The following MAN1A1 variants were observed in gnomAD, a reference collection of about 807,000 sequenced individuals.
MAN1A1 encodes the protein mannosyl-oligosaccharide 1,2-alpha-mannosidase IA.
MAN1A1 carries 29 observed loss-of-function variants against 70.8 expected under a neutral mutation model. The ratio of observed to expected loss-of-function variants is 0.41; its 90% CI spans 0.31 to 0.56. MAN1A1 has a LOEUF of 0.56. Among genes scored for constraint, MAN1A1 ranks in the 20% least tolerant of loss-of-function variants. MAN1A1 has a pLI of 0.29. For synonymous variants in MAN1A1, 349 were observed against 330.1 expected (o/e 1.06, Z -0.62); for missense variants, 747 against 841.3 (o/e 0.89, Z 1.39).
At chr6:119,273,489 T>A (rs920307418) in intron 5 of MAN1A1, among the ~76,000 whole-genome samples, 8 of 152,210 alleles carry the variant, frequency 5.3e-5, no homozygotes, top group Non-Finnish European at 1.2e-4. Context: ...CATTCCATGA[T>A]CTGCTGCACT....
intron 6 of MAN1A1, among the ~76,000 whole-genome samples, chr6:119,237,505 C>A (rs932653587): frequency 1.3e-5 from 2 of 152,124 alleles, no homozygotes; most frequent in Non-Finnish European, 2.9e-5. Context: ...AATACTTCCT[C>A]CTTTTTTGCT....
At chr6:119,322,948 G>A (rs1430285484) in intron 2 of MAN1A1, among the ~76,000 whole-genome samples, 1 of 152,212 alleles carries the variant, frequency 6.6e-6, no homozygotes, top group Non-Finnish European at 1.5e-5. Flanking sequence ...GACGTTCTCT[G>A]TTCTAATACC....
At chr6:119,204,113 A>G (rs1298832594) in intron 7 of MAN1A1, among the ~76,000 whole-genome samples, 1 of 152,152 alleles carries the variant, frequency 6.6e-6, no homozygotes, top group Non-Finnish European at 1.5e-5. Flanking sequence ...CGAAGAACTG[A>G]CTGTGTCGAA....
chr6:119,207,467 G>A (rs1216672132), intron 6 of MAN1A1, among the ~76,000 whole-genome samples: 1 of 152,172 alleles, frequency 6.6e-6, no homozygotes, highest in African/African-American at 2.4e-5. Flanking sequence ...AGGGGTTCAA[G>A]AAATTAGAGA....
In MAN1A1 at chr6:119,318,549, T is replaced by C. The variant is rs10485002; in HGVS notation, c.604-11557A>G. On this transcript the variant is annotated intron_variant, in intron 2 of 12. Coordinates refer to ENST00000368468, the MANE Select transcript of MAN1A1 (RefSeq NM_005907.4). ...TCTTTGTATGTTTCTGTTACTTATC[T>C]CATTATTCTGGAAAAATTTACATTA... Among the ~76,000 whole-genome samples, 898 of 152,348 alleles carry C rather than the reference T, an allele frequency of 5.9e-3. 31 individuals are homozygous for C. In the East Asian group the frequency reaches 0.09, roughly 15 times the overall value.
chr6:119,337,754 C>T (rs1359999613), intron 2 of MAN1A1, among the ~76,000 whole-genome samples: 1 of 152,184 alleles, frequency 6.6e-6, no homozygotes, highest in Non-Finnish European at 1.5e-5. Flanking sequence ...TTCTCCTCAA[C>T]CACCCCACCT....
intron 2 of MAN1A1, among the ~76,000 whole-genome samples, chr6:119,330,616 T>C (rs1432413217): frequency 6.6e-6 from 1 of 152,152 alleles, no homozygotes; most frequent in African/African-American, 2.4e-5. Context: ...CCTCCCATGG[T>C]TCCTGATGAT....
At chr6:119,292,891 A>C (rs1444584596) in intron 4 of MAN1A1, among the ~76,000 whole-genome samples, 2 of 152,106 alleles carry the variant, frequency 1.3e-5, no homozygotes, top group East Asian at 3.8e-4. Context: ...ATTACTGATA[A>C]GGAAAAGCGA....
In MAN1A1 at chr6:119,306,840, C is replaced by G. The variant is rs1562235226; in HGVS notation, c.700+56G>C. 2.4e-6 allele frequency: 3 copies of G among 1,267,712 alleles called. No homozygotes were observed. The East Asian group carries it at 7.0e-5, about 29-fold the overall frequency. The allele number at this position is 1,267,712 out of a possible 1,614,324, so 78.5% of individuals were successfully genotyped here. The stretch of plus-strand genomic sequence containing the variant: ...CACAGACTTCTCCACCATCCATAAG[C>G]TCAAGCAATTGGGGAGAAGTTATCG... On this transcript the variant is annotated intron_variant, in intron 3 of 12. Transcript: ENST00000368468.
At chr6:119,241,930 ATGTG>A (rs1172587097) in intron 6 of MAN1A1, among the ~76,000 whole-genome samples, 5 of 137,456 alleles carry the variant, frequency 3.6e-5, no homozygotes, top group African/African-American at 1.1e-4. Flanking sequence ...GTGTTTGTGT[ATGTG>A]TGTGTGTGTA....
chr6:119,243,660 A>T (rs1254899092), intron 6 of MAN1A1, among the ~76,000 whole-genome samples: 1 of 152,148 alleles, frequency 6.6e-6, no homozygotes, highest in African/African-American at 2.4e-5. Context: ...TTCTTAATTA[A>T]AGCCCTATTT....
rs771373468 is a variant in MAN1A1, at chr6:119,348,813, C to T, written c.253G>A (p.Asp85Asn). The T allele has an allele frequency of 4.8e-6, 7 of 1,451,864 alleles. No homozygotes were observed. Among genetic ancestry groups the T allele is most frequent in the Middle Eastern group, 1.9e-4 (1 of 5,312 alleles). The allele number at this position is 1,451,864 out of a possible 1,614,324, so 89.9% of individuals were successfully genotyped here. ...HSSPALQPAA[D>N]HKPGPGARAE... Reference sequence around the variant, plus strand: ...CGCGCCCCGGGCCCGGGCTTGTGGTCGGCGGCCGGCTGCAAGGCGGGGCTG... The same window carrying T: ...CGCGCCCCGGGCCCGGGCTTGTGGTTGGCGGCCGGCTGCAAGGCGGGGCTG... Residue 85 changes from aspartate to asparagine, a missense_variant, in exon 2 of 13, where the codon GAC (aspartate) becomes AAC (asparagine). Asp to Asn is a conservative substitution (Grantham distance 23). Coordinates refer to ENST00000368468, the MANE Select transcript of MAN1A1 (RefSeq NM_005907.4).
At chr6:119,213,956 T>C (rs563104851) in intron 6 of MAN1A1, among the ~76,000 whole-genome samples, 1 of 152,328 alleles carries the variant, frequency 6.6e-6, no homozygotes, top group Non-Finnish European at 1.5e-5. Context: ...GCAAATGTAA[T>C]GAAATGCCTA....
chr6:119,248,215 G>C lies in MAN1A1; in HGVS notation c.992+45C>G, dbSNP rs765900507. 5.4e-6 allele frequency: 7 copies of C among 1,295,758 alleles called. No homozygotes were observed. In the Admixed American group the frequency reaches 1.2e-4, roughly 22 times the overall value. 80.3% of individuals were successfully genotyped at this position (1,295,758 alleles called of 1,614,324 possible). A position where few individuals can be genotyped will look rare whatever the true frequency, so the allele number is the denominator to read the frequency against. Reference sequence around the variant, plus strand: ...TGTATACTTATTAGGCAACAATCTGGAATATTTCACCTTAAAACATGTTGT... The same window carrying C: ...TGTATACTTATTAGGCAACAATCTGCAATATTTCACCTTAAAACATGTTGT... On this transcript the variant is annotated intron_variant, in intron 6 of 12. Transcript: ENST00000368468.
chr6:119,291,034 A>T (rs760442632), intron 4 of MAN1A1, among the ~76,000 whole-genome samples: 4 of 151,974 alleles, frequency 2.6e-5, no homozygotes, highest in Non-Finnish European at 5.9e-5. Flanking sequence ...ACTTAAAATA[A>T]ATGATACGGT....
intron 6 of MAN1A1, among the ~76,000 whole-genome samples, chr6:119,223,944 C>T (rs1425815538): frequency 6.6e-6 from 1 of 152,102 alleles, no homozygotes; most frequent in Non-Finnish European, 1.5e-5. Flanking sequence ...TTGAAAGACA[C>T]CAACAGCAAT....
intron 8 of MAN1A1, among the ~76,000 whole-genome samples, chr6:119,197,567 A>C (rs571199584): frequency 6.6e-6 from 1 of 152,314 alleles, no homozygotes; most frequent in Admixed American, 6.5e-5. Context: ...GGAAAAGTGG[A>C]TGCTAATAAA....
Position 119,298,571 on chromosome 6 carries a change from T to G in MAN1A1, c.816+3417A>C, listed in dbSNP as rs190516290. Among the ~76,000 whole-genome samples the G allele has an allele frequency of 4.2e-3, 641 of 152,114 alleles. 3 individuals are homozygous for G. The highest frequency in any genetic ancestry group is 7.9e-3 in the Non-Finnish European group (538 of 67,982). On this transcript the variant is annotated intron_variant, in intron 4 of 12. Coordinates refer to ENST00000368468, the MANE Select transcript of MAN1A1 (RefSeq NM_005907.4). ...GTTTGTTTCATTTTTATTTTCCCTT[T>G]GCAATAAATTTAGATGCATTAACTT...
chr6:119,181,187 G>A (rs896587064), intron 11 of MAN1A1, among the ~76,000 whole-genome samples: 3 of 152,152 alleles, frequency 2.0e-5, no homozygotes, highest in Admixed American at 1.3e-4. Flanking sequence ...CTAGCTGGCT[G>A]TCCCCCAAGC....
Sources: gnomAD v4.1 joint callset for allele counts (sites outside exome capture counted in the v4.1 genomes callset) on GRCh38, gnomAD v4.1.1 for gene constraint, MANE v1.5 for transcripts, NCBI Gene and HGNC (gene_info 2026-07-23, HGNC 2026-07-21) for gene names.